NAALADL2: variants seen among roughly 807,000 people sequenced by gnomAD.
The protein encoded by NAALADL2 is inactive N-acetylated-alpha-linked acidic dipeptidase-like protein 2.
A neutral mutation model predicts 87.2 loss-of-function variants in NAALADL2; 76 were observed. The ratio of observed to expected loss-of-function variants is 0.87; its 90% CI spans 0.72 to 1.05. The LOEUF (loss-of-function observed/expected upper bound fraction) is 1.05. Ranked by LOEUF, NAALADL2 falls within the 50% of genes least tolerant of loss-of-function variation. NAALADL2 has a pLI of 0.00. For synonymous variants in NAALADL2, 354 were observed against 331.0 expected, an observed-to-expected ratio of 1.07 and a Z score of -0.75; for missense variants, 1,089 against 945.8, an observed-to-expected ratio of 1.15 and a Z score of -1.99.
chr3:175,104,990 C>T (rs1346245573), intron 2 of NAALADL2, among the ~76,000 whole-genome samples: 4 of 152,114 alleles, frequency 2.6e-5, no homozygotes, highest in Middle Eastern at 3.2e-3. Flanking sequence ...TTATGCCCCT[C>T]GCAATCCTTA....
Position 175,505,909 on chromosome 3 carries a change from T to C in NAALADL2, c.1653+34151T>C, listed in dbSNP as rs549462595. On this transcript the variant is annotated intron_variant, in intron 9 of 13. Coordinates refer to ENST00000454872, the MANE Select transcript of NAALADL2 (RefSeq NM_207015.3). ...TTTTTTAAAAAGCCTCTTGGCCTCT[T>C]GAACGGTGTTTCCTTCTCCTTCTGG... 3.3e-5 allele frequency among the ~76,000 whole-genome samples: 5 copies of C among 152,312 alleles called. No individual in the cohort carries two copies. In the South Asian group the frequency reaches 1.0e-3, roughly 32 times the overall value.
chr3:175,012,482 G>A (rs1749966145), intron 1 of NAALADL2, among the ~76,000 whole-genome samples: 1 of 152,012 alleles, frequency 6.6e-6, no homozygotes, highest in Admixed American at 6.6e-5. Flanking sequence ...AATTAATTGA[G>A]AAATGAAAAT....
At chr3:174,469,101 T>C (rs1716732304) in intron 1 of NAALADL2, among the ~76,000 whole-genome samples, 1 of 152,118 alleles carries the variant, frequency 6.6e-6, no homozygotes, top group African/African-American at 2.4e-5. Context: ...TAAAAGCCTT[T>C]AAGTTATTTG....
rs894385812 is a variant in NAALADL2 at position 175,314,738 on chromosome 3, G to A, written c.940-9437G>A. Among the ~76,000 whole-genome samples the A allele has an allele frequency of 1.1e-4, 12 of 107,058 alleles. No homozygotes were observed. In the South Asian group the frequency reaches 1.6e-3, roughly 14 times the overall value. 70.2% of individuals were successfully genotyped at this position (107,058 alleles called of 152,430 possible). A position where few individuals can be genotyped will look rare whatever the true frequency, so the allele number is the denominator to read the frequency against. ...TATATATATAGTTAGATAAGGTACC[G>A]CAACAAAATGTATTGTATAAGTTTT... On this transcript the variant is annotated intron_variant, in intron 4 of 13. Coordinates refer to ENST00000454872, the MANE Select transcript of NAALADL2 (RefSeq NM_207015.3).
chr3:175,604,389 C>T (rs566051696), intron 10 of NAALADL2, among the ~76,000 whole-genome samples: 83 of 150,528 alleles, frequency 5.5e-4, no homozygotes, highest in African/African-American at 1.9e-3. Flanking sequence ...CTGCAAGCTC[C>T]GCCTCCCGGG....
At chr3:175,619,214 A>G (rs534133007) in intron 10 of NAALADL2, among the ~76,000 whole-genome samples, 2 of 134,680 alleles carry the variant, frequency 1.5e-5, no homozygotes, top group East Asian at 4.1e-4. Context: ...ACAAAAAAAA[A>G]GAGAGAAAGA....
At chr3:175,475,003 T>C (rs1248458621) in intron 9 of NAALADL2, among the ~76,000 whole-genome samples, 2 of 139,634 alleles carry the variant, frequency 1.4e-5, no homozygotes, top group African/African-American at 5.3e-5. Context: ...TTATACATTC[T>C]TTCATGCACA....
intron 2 of NAALADL2, among the ~76,000 whole-genome samples, chr3:174,620,365 A>T (rs1720882128): frequency 6.6e-6 from 1 of 152,006 alleles, no homozygotes; most frequent in Non-Finnish European, 1.5e-5. Context: ...AATATTTAAA[A>T]TTTTTATGGG....
chr3:174,622,066 T>G (rs1241740326), intron 2 of NAALADL2, among the ~76,000 whole-genome samples: 2 of 152,128 alleles, frequency 1.3e-5, no homozygotes, highest in African/African-American at 2.4e-5. Flanking sequence ...GTGACAGCTG[T>G]CTGTGATCCT....
intron 4 of NAALADL2, among the ~76,000 whole-genome samples, chr3:175,264,279 T>C (rs977362457): frequency 1.3e-5 from 2 of 151,840 alleles, no homozygotes; most frequent in African/African-American, 4.8e-5. Context: ...ATGACAAAAA[T>C]ACTCTCAATT....
intron 1 of NAALADL2, among the ~76,000 whole-genome samples, chr3:175,008,214 C>CA (rs1439160351): frequency 8.6e-5 from 13 of 151,610 alleles, no homozygotes; most frequent in Admixed American, 2.0e-4. Flanking sequence ...CACTTCTATA[C>CA]AAAAAAAATT....
chr3:175,580,117 C>A (rs548304385), intron 10 of NAALADL2, among the ~76,000 whole-genome samples: 4 of 151,796 alleles, frequency 2.6e-5, no homozygotes, highest in African/African-American at 9.7e-5. Context: ...ATTTAATAAC[C>A]CAGGGACAGA....
chr3:175,778,277 G>A (rs944325286), intron 13 of NAALADL2, among the ~76,000 whole-genome samples: 1 of 152,156 alleles, frequency 6.6e-6, no homozygotes, highest in Non-Finnish European at 1.5e-5. Flanking sequence ...AGTAGCACTA[G>A]GAAAGTAGAG....
intron 1 of NAALADL2, among the ~76,000 whole-genome samples, chr3:175,025,648 T>C (rs566136995): frequency 6.6e-6 from 1 of 152,254 alleles, no homozygotes; most frequent in East Asian, 1.9e-4. Flanking sequence ...GTCATGAACA[T>C]AGAGGACATA....
chr3:175,656,297 A>T (rs1731453016), intron 11 of NAALADL2, among the ~76,000 whole-genome samples: 1 of 152,228 alleles, frequency 6.6e-6, no homozygotes, highest in Admixed American at 6.5e-5. Flanking sequence ...GATTAAAAAG[A>T]ATCTGCATAT....
chr3:174,558,355 G>C (rs1477485225), intron 2 of NAALADL2, among the ~76,000 whole-genome samples: 3 of 151,980 alleles, frequency 2.0e-5, no homozygotes, highest in Non-Finnish European at 4.4e-5. Flanking sequence ...GGTACGGGGG[G>C]GATGGTTTTA....
chr3:174,646,706 C>T (rs936971663), intron 2 of NAALADL2, among the ~76,000 whole-genome samples: 4 of 151,974 alleles, frequency 2.6e-5, no homozygotes, highest in Non-Finnish European at 5.9e-5. Context: ...AATTAATTGT[C>T]TTTAAAATTG....
At chr3:175,450,117 A>G (rs561811093) in intron 6 of NAALADL2, among the ~76,000 whole-genome samples, 11 of 152,182 alleles carry the variant, frequency 7.2e-5, no homozygotes, top group African/African-American at 2.2e-4. Flanking sequence ...ACTGAATTTA[A>G]TGTAGGATTA....
chr3:175,264,874 A>C (rs890875573), intron 4 of NAALADL2, among the ~76,000 whole-genome samples: 2 of 151,626 alleles, frequency 1.3e-5, no homozygotes, highest in Admixed American at 6.6e-5. Flanking sequence ...TACACATTTT[A>C]ATTTATTTTC....
Sources: allele counts gnomAD v4.1 joint callset (sites outside exome capture counted in the v4.1 genomes callset), GRCh38; gene constraint gnomAD v4.1.1; transcripts MANE v1.5; gene names NCBI Gene and HGNC (gene_info 2026-07-23, HGNC 2026-07-21).